The following RSBN1L variants were observed in gnomAD, a reference collection of about 807,000 sequenced individuals.
The protein encoded by RSBN1L is lysine-specific demethylase RSBN1L.
RSBN1L carries 30 observed loss-of-function variants against 67.7 expected under a neutral mutation model. The ratio of observed to expected loss-of-function variants is 0.44; its 90% CI spans 0.33 to 0.60. The LOEUF is 0.60. RSBN1L is among the 20% of genes least tolerant of loss of function. RSBN1L has a pLI of 0.02. For synonymous variants in RSBN1L, 433 were observed against 387.0 expected (o/e 1.12, Z -1.39); for missense variants, 992 against 1,031.7 (o/e 0.96, Z 0.53).
chr7:77,744,438 G>T (rs1337401116), intron 2 of RSBN1L, among the ~76,000 whole-genome samples: 1 of 152,034 alleles, frequency 6.6e-6, no homozygotes, highest in Admixed American at 6.6e-5. Flanking sequence ...GTCTGAATTT[G>T]ATAACGTTAT....
At chr7:77,770,037 C>T (rs1375794480) in intron 5 of RSBN1L, among the ~76,000 whole-genome samples, 1 of 152,106 alleles carries the variant, frequency 6.6e-6, no homozygotes, top group African/African-American at 2.4e-5. Flanking sequence ...GAATGCCTGT[C>T]AGTAGGGGAA....
chr7:77,708,589 A>C (rs143712781), intron 1 of RSBN1L, among the ~76,000 whole-genome samples: 172 of 151,484 alleles, frequency 1.1e-3, no homozygotes, highest in African/African-American at 3.9e-3. Flanking sequence ...TCACGGTGTT[A>C]GCCAGGATGG....
At chr7:77,706,175 C>G (rs909778387) in intron 1 of RSBN1L, among the ~76,000 whole-genome samples, 1 of 151,860 alleles carries the variant, frequency 6.6e-6, no homozygotes, top group Non-Finnish European at 1.5e-5. Context: ...CCCCCAGGTT[C>G]AAGCGATTCT....
At chr7:77,701,200 G>A (rs889350377) in intron 1 of RSBN1L, among the ~76,000 whole-genome samples, 4 of 147,684 alleles carry the variant, frequency 2.7e-5, no homozygotes, top group Admixed American at 1.4e-4. Flanking sequence ...AAAAAAAAAC[G>A]ACATCCCTTC....
intron 1 of RSBN1L, 159 bp downstream of exon 1, chr7:77,697,214 A>G (rs1790749046): frequency 2.8e-6 from 2 of 726,944 alleles, no homozygotes; most frequent in Admixed American, 4.5e-5. Flanking sequence ...GCAGTTCCCA[A>G]GGGGACAGGA....
chr7:77,715,868 G>A (rs1250773303), intron 1 of RSBN1L, among the ~76,000 whole-genome samples: 1 of 152,128 alleles, frequency 6.6e-6, no homozygotes, highest in Non-Finnish European at 1.5e-5. Context: ...GTGATGTTGA[G>A]CATCTTTTCA....
At chr7:77,726,177 GT>G (rs1168781086) in intron 1 of RSBN1L, among the ~76,000 whole-genome samples, 1 of 152,084 alleles carries the variant, frequency 6.6e-6, no homozygotes, top group African/African-American at 2.4e-5. Flanking sequence ...TTTCTAGCAC[GT>G]TTATCATAGT....
In RSBN1L at chr7:77,696,763, C is replaced by T; in HGVS notation, c.294C>T (p.Ser98=). 1 of 1,613,864 alleles carries T rather than the reference C, an allele frequency of 6.2e-7. No individual in the cohort carries two copies. The highest frequency in any genetic ancestry group is 8.5e-7 in the Non-Finnish European group (1 of 1,180,026). ...FAPLSAAPSP[S]SSRSSFSFSA... ...CTCTGTCTGCTGCTCCCTCCCCGTCCTCTTCTCGGAGCAGTTTCTCTTTCT... is the reference window on the plus strand; with the variant it reads ...CTCTGTCTGCTGCTCCCTCCCCGTCTTCTTCTCGGAGCAGTTTCTCTTTCT... Residue 98 remains serine (S), a synonymous_variant, in exon 1 of 8, where the codon TCC becomes TCT. Transcript: ENST00000334955.
chr7:77,716,905 A>G (rs1273564041), intron 1 of RSBN1L, among the ~76,000 whole-genome samples: 1 of 151,166 alleles, frequency 6.6e-6, no homozygotes, highest in Non-Finnish European at 1.5e-5. Flanking sequence ...TGCTGAAATT[A>G]CAGGCATGAG....
intron 4 of RSBN1L, among the ~76,000 whole-genome samples, chr7:77,766,347 G>C (rs1285356241): frequency 6.6e-6 from 1 of 152,084 alleles, no homozygotes; most frequent in Non-Finnish European, 1.5e-5. Flanking sequence ...ATCATGCCCA[G>C]CTAACTTTTG....
chr7:77,750,283 AT>A (rs1791538958), intron 3 of RSBN1L, among the ~76,000 whole-genome samples: 1 of 116,434 alleles, frequency 8.6e-6, no homozygotes, highest in Non-Finnish European at 1.7e-5. Context: ...TAATGAAATA[AT>A]TAAGATTCTG....
intron 3 of RSBN1L, among the ~76,000 whole-genome samples, chr7:77,759,022 A>G (rs890321005): frequency 1.3e-5 from 2 of 152,220 alleles, no homozygotes; most frequent in African/African-American, 4.8e-5. Flanking sequence ...AACTTATGTC[A>G]AAGTGTTAAC....
chr7:77,731,960 T>G (rs973344092), intron 1 of RSBN1L, among the ~76,000 whole-genome samples: 25 of 152,206 alleles, frequency 1.6e-4, no homozygotes, highest in Admixed American at 1.6e-3. Flanking sequence ...CTGGACTCCC[T>G]ATTTTGTTCC....
intron 2 of RSBN1L, among the ~76,000 whole-genome samples, chr7:77,741,497 C>G (rs564828597): frequency 6.6e-5 from 10 of 151,508 alleles, no homozygotes; most frequent in Middle Eastern, 6.8e-3. Flanking sequence ...CAAGACCATC[C>G]TGGTTAATGT....
At chr7:77,763,475 A>G (rs1430490581) in intron 3 of RSBN1L, among the ~76,000 whole-genome samples, 1 of 152,180 alleles carries the variant, frequency 6.6e-6, no homozygotes, top group Non-Finnish European at 1.5e-5. Context: ...TAGAGTTGAG[A>G]TTGATACCCT....
At chr7:77,750,870 C>T (rs1440895924) in intron 3 of RSBN1L, among the ~76,000 whole-genome samples, 2 of 152,154 alleles carry the variant, frequency 1.3e-5, no homozygotes, top group East Asian at 3.9e-4. Flanking sequence ...ATCCCAACAC[C>T]TCTCAATTTA....
At chr7:77,737,108 T>C (rs1168434607) in intron 2 of RSBN1L, among the ~76,000 whole-genome samples, 3 of 152,078 alleles carry the variant, frequency 2.0e-5, no homozygotes, top group Non-Finnish European at 2.9e-5. Flanking sequence ...GGTAGGTGGT[T>C]GGGTAATAAG....
chr7:77,767,731 C>G (rs559818082), intron 4 of RSBN1L, among the ~76,000 whole-genome samples: 88 of 78,514 alleles, frequency 1.1e-3, no homozygotes, highest in Middle Eastern at 0.014. Flanking sequence ...GCCTCGCCTC[C>G]CCTCCCCTCC....
intron 1 of RSBN1L, among the ~76,000 whole-genome samples, chr7:77,700,929 GGCGAATCGCCTGA>G (rs1341446853): frequency 6.6e-6 from 1 of 151,998 alleles, no homozygotes; most frequent in African/African-American, 2.4e-5. Flanking sequence ...GGCTGAAGCT[GGCGAATCGCCTGA>G]GCTCAGGAGT....
Sources: allele counts gnomAD v4.1 joint callset (sites outside exome capture counted in the v4.1 genomes callset), GRCh38; gene constraint gnomAD v4.1.1; transcripts MANE v1.5; gene names NCBI Gene and HGNC (gene_info 2026-07-23, HGNC 2026-07-21).